Variants in CASD1 observed in about 807,000 individuals in gnomAD.
CASD1 encodes the protein N-acetylneuraminate (7)9-O-acetyltransferase.
CASD1 carries 41 observed loss-of-function variants against 100.0 expected under a neutral mutation model. The ratio of observed to expected loss-of-function variants is 0.41; its 90% CI spans 0.32 to 0.53. CASD1 has a LOEUF of 0.53. CASD1 is among the 20% of genes least tolerant of loss of function. The pLI is 0.25. For synonymous variants in CASD1, 321 were observed against 315.6 expected, an observed-to-expected ratio of 1.02 and a Z score of -0.18; for missense variants, 774 against 948.7, an observed-to-expected ratio of 0.82 and a Z score of 2.42.
chr7:94,607,264 G>A, the CASD1 span, among the ~76,000 whole-genome samples: 1 of 152,038 alleles, frequency 6.6e-6, no homozygotes, highest in South Asian at 2.1e-4. Flanking sequence ...TTTCTCAGAA[G>A]ACAAAAGCCA....
the CASD1 span, among the ~76,000 whole-genome samples, chr7:94,578,551 GC>G: frequency 1.3e-5 from 2 of 152,016 alleles, no homozygotes; most frequent in Admixed American, 6.6e-5. Context: ...TTGGATAAGA[GC>G]CCCCCACCCA....
At chr7:94,623,338 T>A in the CASD1 span, 1 of 1,591,554 alleles carries the variant, frequency 6.3e-7, no homozygotes, top group Non-Finnish European at 8.6e-7. Flanking sequence ...CTGCAGACAT[T>A]ATATTAATTA....
In CASD1 at chr7:94,538,999, A is replaced by G. The variant is rs1270374140; in HGVS notation, c.1299A>G (p.Glu433=). Residue 433 remains glutamate, a synonymous_variant, in exon 10 of 18, where the codon GAA becomes GAG. Transcript: ENST00000297273. ...TKVLNREQTD[E]WKGWMQLVIL... is the part of the protein sequence containing the mutation. ...TATTAAATAGAGAACAAACAGACGA[A>G]TGGAAAGGCTGGATGCAACTTGTGA... 6.2e-7 allele frequency: 1 copy of G among 1,609,366 alleles called. No individual in the cohort carries two copies. Among genetic ancestry groups the G allele is most frequent in the Non-Finnish European group, 8.5e-7 (1 of 1,176,378 alleles).
chr7:94,589,772 C>G, the CASD1 span: 29 of 188,888 alleles, frequency 1.5e-4, no homozygotes, highest in Non-Finnish European at 2.6e-4. Flanking sequence ...ATGGTACTGT[C>G]TAGTTGCAGG....
intron 10 of CASD1, 91 bp downstream of exon 10, chr7:94,539,147 T>C: frequency 1.5e-6 from 1 of 653,184 alleles, no homozygotes; most frequent in South Asian, 2.1e-5. Flanking sequence ...TGTTTTATAA[T>C]CTCTACCAGT....
the CASD1 span, among the ~76,000 whole-genome samples, chr7:94,606,716 C>T: frequency 6.6e-6 from 1 of 152,038 alleles, no homozygotes; most frequent in South Asian, 2.1e-4. Flanking sequence ...ACATTCCAGA[C>T]CATAAAAAAT....
the CASD1 span, among the ~76,000 whole-genome samples, chr7:94,562,900 T>C: frequency 6.6e-6 from 1 of 152,150 alleles, no homozygotes; most frequent in Non-Finnish European, 1.5e-5. Flanking sequence ...TGACCCCCTT[T>C]TTTTTTATGC....
downstream of CASD1, among the ~76,000 whole-genome samples, chr7:94,560,624 A>C (rs1041246129): frequency 2.0e-5 from 3 of 152,220 alleles, no homozygotes; most frequent in African/African-American, 7.2e-5. Flanking sequence ...TGGATGCAAG[A>C]ATATATAGAT....
chr7:94,537,420 G>A (rs1202334884), intron 8 of CASD1, 52 bp from the exon 9 acceptor site: 37 of 1,496,472 alleles, frequency 2.5e-5, no homozygotes, highest in Non-Finnish European at 3.3e-5. Flanking sequence ...AAAATTTAAT[G>A]TGAAATACAT....
At chr7:94,511,087 T>G (rs1031358968) in intron 1 of CASD1, among the ~76,000 whole-genome samples, 2 of 152,220 alleles carry the variant, frequency 1.3e-5, no homozygotes, top group Non-Finnish European at 2.9e-5. Flanking sequence ...CCTTGCTGAT[T>G]GATTGTTTTT....
the CASD1 span, among the ~76,000 whole-genome samples, chr7:94,605,203 C>T: frequency 4.0e-5 from 6 of 151,820 alleles, no homozygotes; most frequent in Non-Finnish European, 7.4e-5. Flanking sequence ...ATTATCAGAC[C>T]AGAAATTTAA....
the CASD1 span, among the ~76,000 whole-genome samples, chr7:94,631,817 A>T: frequency 2.0e-5 from 3 of 151,970 alleles, no homozygotes; most frequent in African/African-American, 7.2e-5. Flanking sequence ...CAGGATCACA[A>T]CCCTACATCC....
chr7:94,536,049 C>G (rs1001445070), intron 8 of CASD1, among the ~76,000 whole-genome samples: 4 of 152,120 alleles, frequency 2.6e-5, no homozygotes, highest in Admixed American at 2.6e-4. Context: ...TCGAGACTAG[C>G]CTGGCTAACA....
At chr7:94,581,254 A>ATT in the CASD1 span, among the ~76,000 whole-genome samples, 1 of 152,316 alleles carries the variant, frequency 6.6e-6, no homozygotes, top group African/African-American at 2.4e-5. Flanking sequence ...TACCAACTAA[A>ATT]AATCTCACTG....
At chr7:94,612,230 A>G in the CASD1 span, among the ~76,000 whole-genome samples, 3 of 152,198 alleles carry the variant, frequency 2.0e-5, no homozygotes, top group South Asian at 2.1e-4. Flanking sequence ...ATAAATGGGC[A>G]TAAGAGATTT....
At chr7:94,535,911 A>G (rs1795093734) in intron 8 of CASD1, among the ~76,000 whole-genome samples, 1 of 152,200 alleles carries the variant, frequency 6.6e-6, no homozygotes, top group African/African-American at 2.4e-5. Context: ...AATGAAGAAT[A>G]CACTTCTTAA....
At chr7:94,564,274 G>A in the CASD1 span, among the ~76,000 whole-genome samples, 2 of 152,310 alleles carry the variant, frequency 1.3e-5, no homozygotes, top group African/African-American at 4.8e-5. Flanking sequence ...GCTTGGTTGA[G>A]CTTGTTGTAG....
the CASD1 span, chr7:94,618,664 A>C: frequency 6.8e-6 from 7 of 1,028,426 alleles, no homozygotes; most frequent in African/African-American, 9.8e-5. Context: ...TAAAACGAAA[A>C]ATGCAATAGG....
intron 3 of CASD1, among the ~76,000 whole-genome samples, chr7:94,523,288 A>G (rs865873061): frequency 6.6e-6 from 1 of 152,338 alleles, no homozygotes; most frequent in Middle Eastern, 3.4e-3. Context: ...GAAAATCCCA[A>G]AAAATTTATA....
Sources: allele counts gnomAD v4.1 joint callset (sites outside exome capture counted in the v4.1 genomes callset), GRCh38; gene constraint gnomAD v4.1.1; transcripts MANE v1.5; gene names NCBI Gene and HGNC (gene_info 2026-07-23, HGNC 2026-07-21).